The following CDK5RAP2 variants were observed in gnomAD, a reference collection of about 807,000 sequenced individuals.
The protein encoded by CDK5RAP2 is CDK5 regulatory subunit associated protein 2, also known as CDK5 regulatory subunit-associated protein 2.
In CDK5RAP2, 147 loss-of-function variants were observed where a neutral mutation model predicts 232.9. The ratio of observed to expected loss-of-function variants is 0.63; its 90% CI spans 0.55 to 0.72. The LOEUF (loss-of-function observed/expected upper bound fraction) is 0.72, where lower values mean the gene tolerates loss of function less well. CDK5RAP2 is among the 30% of genes least tolerant of loss of function. The probability of loss-of-function intolerance (pLI) is 0.00; values close to 1 mark genes in which losing one functional copy is unlikely to be tolerated. For missense variants in CDK5RAP2, 2,195 were observed against 2,231.5 expected (o/e 0.98, Z 0.33); for synonymous variants, 833 against 833.7 (o/e 1.00, Z 0.01).
chr9:120,392,551 G>A (rs2131198692), intron 36 of CDK5RAP2, among the ~76,000 whole-genome samples: 1 of 152,348 alleles, frequency 6.6e-6, no homozygotes, highest in South Asian at 2.1e-4. Context: ...AGGCTGCTGA[G>A]GAGGAGAGAT....
At position 120,470,143 on chromosome 9, in the gene CDK5RAP2, C is replaced by G; in HGVS notation, c.1936G>C (p.Glu646Gln). 7 of 1,583,686 alleles carry G rather than the reference C, an allele frequency of 4.4e-6. No individual in the cohort carries two copies. The highest frequency in any genetic ancestry group is 5.2e-6 in the Non-Finnish European group (6 of 1,154,242). Residue 646 changes from glutamate to glutamine, a missense_variant, in exon 17 of 38, where the codon GAA becomes CAA. Coordinates refer to ENST00000349780, the MANE Select transcript of CDK5RAP2 (RefSeq NM_018249.6). ...TTAAGTTCTTCTTGAGAAAAATGTT[C>G]CACTTGAAACCGATTGTTTTCTTCA... ...CLEENNRFQV[E>Q]HFSQEELKKK... is the part of the protein sequence containing the mutation.
In CDK5RAP2 at chr9:120,439,759, G is replaced by C. The variant is rs2035789686; in HGVS notation, c.3362C>G (p.Thr1121Ser). ...YLKQKIHDLE[T>S]ELEGYQNFIF... is the part of the protein sequence containing the mutation. ...GAAATTCTGGTAGCCTTCCAGCTCA[G>C]TTTCCAAGTCATGGATTTTCTGTTT... The change falls in exon 24 of 38, where the codon ACT becomes AGT. Residue 1121 changes from threonine (T) to serine (S), a missense_variant. Physicochemically the swap from Thr to Ser is moderately conservative, Grantham distance 58. Coordinates refer to ENST00000349780, the MANE Select transcript of CDK5RAP2 (RefSeq NM_018249.6). 6.2e-7 allele frequency: 1 copy of C among 1,614,022 alleles called. No individual in the cohort carries two copies. Among genetic ancestry groups the C allele is most frequent in the Non-Finnish European group, 8.5e-7 (1 of 1,180,024 alleles).
At position 120,518,494 on chromosome 9, in the gene CDK5RAP2, C is replaced by T. The variant is rs370681405; in HGVS notation, c.1244G>A (p.Arg415Lys). ...CTCCAGGTCCTTCTCCAGTCTCTCCCTCTCCTGCTGCAAGTCACTCAGCTC... is the reference window on the plus strand; with the variant it reads ...CTCCAGGTCCTTCTCCAGTCTCTCCTTCTCCTGCTGCAAGTCACTCAGCTC... Reference protein sequence around the residue: ...TQELSDLQQERERLEKDLEEA... With the variant: ...TQELSDLQQEKERLEKDLEEA... Residue 415 changes from arginine (R) to lysine (K), a missense_variant, in exon 12 of 38, where the codon AGG becomes AAG. By Grantham distance (26) the Arg-to-Lys change is conservative. Coordinates refer to ENST00000349780, the MANE Select transcript of CDK5RAP2 (RefSeq NM_018249.6). 4 of 1,613,678 alleles carry T rather than the reference C, an allele frequency of 2.5e-6. No homozygotes were observed. Among genetic ancestry groups the T allele is most frequent in the Non-Finnish European group, 3.4e-6 (4 of 1,179,996 alleles).
intron 18 of CDK5RAP2, among the ~76,000 whole-genome samples, chr9:120,465,944 T>C (rs939025042): frequency 9.2e-5 from 14 of 152,172 alleles, no homozygotes; most frequent in Non-Finnish European, 7.4e-5. Flanking sequence ...TACACACAAA[T>C]ACAGAAGGAA....
chr9:120,464,813 A>G (rs2037285454), intron 18 of CDK5RAP2, among the ~76,000 whole-genome samples: 1 of 152,212 alleles, frequency 6.6e-6, no homozygotes, highest in African/African-American at 2.4e-5. Flanking sequence ...ACCATATGCC[A>G]GAACTATGCC....
chr9:120,488,929 C>T (rs1312259463), intron 13 of CDK5RAP2, among the ~76,000 whole-genome samples: 2 of 152,240 alleles, frequency 1.3e-5, no homozygotes, highest in African/African-American at 4.8e-5. Flanking sequence ...CATGTGAATT[C>T]CCTACTTTGT....
chr9:120,565,678 T>C (rs2042621686), intron 3 of CDK5RAP2, among the ~76,000 whole-genome samples: 1 of 152,024 alleles, frequency 6.6e-6, no homozygotes, highest in African/African-American at 2.4e-5. Flanking sequence ...CACATGTGAG[T>C]CCCTGTGCCT....
intron 18 of CDK5RAP2, 188 bp from the exon 19 acceptor site, chr9:120,460,855 A>T: frequency 3.4e-6 from 3 of 883,398 alleles, no homozygotes; most frequent in Non-Finnish European, 5.1e-6. Context: ...GTTGTGGCGA[A>T]TCAGACACAG....
At chr9:120,429,869 G>A (rs1373392510) in intron 25 of CDK5RAP2, among the ~76,000 whole-genome samples, 2 of 152,106 alleles carry the variant, frequency 1.3e-5, no homozygotes, top group African/African-American at 4.8e-5. Flanking sequence ...ATACTACAAG[G>A]CTACAGTAAC....
At position 120,491,450 on chromosome 9, in the gene CDK5RAP2, G is replaced by A. The variant is rs369321828; in HGVS notation, c.1339C>T (p.Arg447Cys). ...RDLRNEVEKLRNEVNEREKAM... is the reference protein window; with the variant it reads ...RDLRNEVEKLCNEVNEREKAM... ...TTCTCTCTTTCATTCACTTCATTGC[G>A]TAATTTTTCAACTTCATTTCTAAGA... Residue 447 changes from arginine (R) to cysteine (C), a missense_variant, in exon 13 of 38, where the codon CGC becomes TGC. Physicochemically the swap from Arg to Cys is radical, Grantham distance 180 (BLOSUM62 -3). Coordinates refer to ENST00000349780, the MANE Select transcript of CDK5RAP2 (RefSeq NM_018249.6). The A allele has an allele frequency of 7.7e-5, 124 of 1,610,726 alleles. 2 individuals are homozygous for A. Among genetic ancestry groups the A allele is most frequent in the East Asian group, 2.0e-4 (9 of 44,766 alleles).
chr9:120,397,179 G>A (rs1407644246), intron 35 of CDK5RAP2, among the ~76,000 whole-genome samples: 1 of 152,124 alleles, frequency 6.6e-6, no homozygotes, highest in Non-Finnish European at 1.5e-5. Flanking sequence ...ATTTTTGCTT[G>A]TTTTCTTTTT....
intron 12 of CDK5RAP2, among the ~76,000 whole-genome samples, chr9:120,500,016 GT>G (rs2039501688): frequency 6.6e-6 from 1 of 152,118 alleles, no homozygotes; most frequent in Middle Eastern, 3.2e-3. Context: ...AAAGTTTTTT[GT>G]TTTGTTTCAT....
intron 13 of CDK5RAP2, among the ~76,000 whole-genome samples, chr9:120,489,221 T>G (rs1042191659): frequency 1.3e-5 from 2 of 152,232 alleles, no homozygotes; most frequent in Admixed American, 1.3e-4. Context: ...TCATTCCAAG[T>G]GTGGGTTCTT....
chr9:120,547,421 T>C (rs1366187058), intron 4 of CDK5RAP2, among the ~76,000 whole-genome samples: 1 of 151,900 alleles, frequency 6.6e-6, no homozygotes, highest in Non-Finnish European at 1.5e-5. Flanking sequence ...CTGGCCAACA[T>C]GGCAAAACAC....
rs920466607 is a variant in CDK5RAP2 at position 120,481,503 on chromosome 9, TTTTTTTTTTTTTTC to T, written c.1627-4067_1627-4054del. ...TTCTCTGTATGTCAATATTGTTTTC[TTTTTTTTTTTTTTC>T]TTTTTTTTTTTTTGAGATGGAGTCT... On this transcript the variant is annotated intron_variant, in intron 14 of 37. Coordinates refer to ENST00000349780, the MANE Select transcript of CDK5RAP2 (RefSeq NM_018249.6). Among the ~76,000 whole-genome samples the T allele has an allele frequency of 6.3e-3, 874 of 139,674 alleles. 11 individuals carry two copies. The highest frequency in any genetic ancestry group is 0.024 in the African/African-American group (836 of 35,194). 91.6% of individuals were successfully genotyped at this position (139,674 alleles called of 152,430 possible). A position where few individuals can be genotyped will look rare whatever the true frequency, so the allele number is the denominator to read the frequency against.
intron 36 of CDK5RAP2, among the ~76,000 whole-genome samples, chr9:120,391,203 A>C (rs900493091): frequency 6.6e-6 from 1 of 152,120 alleles, no homozygotes; most frequent in Non-Finnish European, 1.5e-5. Context: ...GTTGAAGATG[A>C]TTGTGAAAGA....
chr9:120,389,106 G>T lies in CDK5RAP2; in HGVS notation c.*130C>A. 1 of 834,538 alleles carries T rather than the reference G, an allele frequency of 1.2e-6. No homozygotes were observed. Among genetic ancestry groups the T allele is most frequent in the Non-Finnish European group, 2.0e-6 (1 of 511,984 alleles). The allele number at this position is 834,538 out of a possible 1,614,324, so 51.7% of individuals were successfully genotyped here. On this transcript the variant is annotated 3_prime_UTR_variant, in exon 38 of 38. Coordinates refer to ENST00000349780, the MANE Select transcript of CDK5RAP2 (RefSeq NM_018249.6). Reference sequence around the variant, plus strand: ...AAGCCAACTTTCAGAGAGAAAACATGAAGGGAAAAAATAGATTTCCTTTGG... The same window carrying T: ...AAGCCAACTTTCAGAGAGAAAACATTAAGGGAAAAAATAGATTTCCTTTGG...
chr9:120,389,207 G>A lies in CDK5RAP2; in HGVS notation c.*29C>T. 6.3e-7 allele frequency: 1 copy of A among 1,598,566 alleles called. No individual in the cohort carries two copies. ...AGACAGCGTGAGCTCGGTGGGGGAA[G>A]CACAAGCTTTATTGGCTGAAAGTTC... On this transcript the variant is annotated 3_prime_UTR_variant, in exon 38 of 38. Coordinates refer to ENST00000349780, the MANE Select transcript of CDK5RAP2 (RefSeq NM_018249.6).
At chr9:120,450,433 T>C (rs1379617241) in intron 21 of CDK5RAP2, among the ~76,000 whole-genome samples, 1 of 152,226 alleles carries the variant, frequency 6.6e-6, no homozygotes, top group South Asian at 2.1e-4. Context: ...TTTAAAATTG[T>C]TGTCCAACTC....
Sources: allele counts gnomAD v4.1 joint callset (sites outside exome capture counted in the v4.1 genomes callset), GRCh38; gene constraint gnomAD v4.1.1; transcripts MANE v1.5; gene names NCBI Gene and HGNC (gene_info 2026-07-23, HGNC 2026-07-21).